The following FREM1 variants were observed in gnomAD, a reference collection of about 807,000 sequenced individuals.
FREM1 encodes the protein FRAS1 related extracellular matrix 1, also known as FRAS1-related extracellular matrix protein 1.
In FREM1, 220 loss-of-function variants were observed where a neutral mutation model predicts 210.1. That is an observed-to-expected ratio of 1.05 (90% CI 0.94 to 1.17). The LOEUF (loss-of-function observed/expected upper bound fraction) is 1.17. FREM1 is among the 50% of genes most tolerant of loss of function. The pLI is 0.00. For missense variants in FREM1, 3,454 were observed against 2,675.5 expected, an observed-to-expected ratio of 1.29 and a Z score of -6.42; for synonymous variants, 1,189 against 980.2, an observed-to-expected ratio of 1.21 and a Z score of -3.98.
At chr9:14,881,928 GGAAGGTGC>G (rs1834864758) in intron 1 of FREM1, among the ~76,000 whole-genome samples, 1 of 152,124 alleles carries the variant, frequency 6.6e-6, no homozygotes, top group Non-Finnish European at 1.5e-5. Context: ...TTGCCAAGAT[GGAAGGTGC>G]TGCCTTGCAC....
intron 35 of FREM1, among the ~76,000 whole-genome samples, chr9:14,740,474 T>C (rs376490576): frequency 7.2e-4 from 110 of 152,300 alleles, no homozygotes; most frequent in African/African-American, 2.5e-3. Context: ...AAAACATCGA[T>C]AGGTTTTCAA....
chr9:14,785,909 T>C (rs539228633), intron 23 of FREM1, among the ~76,000 whole-genome samples: 21 of 152,322 alleles, frequency 1.4e-4, no homozygotes, highest in South Asian at 2.1e-4. Flanking sequence ...ATGGTACATT[T>C]TGTGTTATGC....
intron 1 of FREM1, among the ~76,000 whole-genome samples, chr9:14,874,935 T>G (rs970278867): frequency 2.0e-5 from 3 of 152,210 alleles, no homozygotes; most frequent in Non-Finnish European, 4.4e-5. Flanking sequence ...GATGCTTAGT[T>G]TGGCTGGATA....
chr9:14,784,510 G>A lies in FREM1; in HGVS notation c.4302C>T (p.Thr1434=), dbSNP rs1477354131. ...CGATCTGGCCATATCGCGGAGGGGAGGTGATGACATAGAGCAGTTCCTCAG... is the reference window on the plus strand; with the variant it reads ...CGATCTGGCCATATCGCGGAGGGGAAGTGATGACATAGAGCAGTTCCTCAG... ...DKPEELLYVI[T]SPPRYGQIEY... Residue 1434 remains threonine, a synonymous_variant, in exon 24 of 37, where the codon ACC becomes ACT. Coordinates refer to ENST00000380880, the MANE Select transcript of FREM1 (RefSeq NM_001379081.2). 6.2e-7 allele frequency: 1 copy of A among 1,613,872 alleles called. No individual in the cohort carries two copies. Among genetic ancestry groups the A allele is most frequent in the African/African-American group, 1.3e-5 (1 of 75,024 alleles).
intron 16 of FREM1, among the ~76,000 whole-genome samples, chr9:14,808,559 T>G (rs1305794883): frequency 6.6e-6 from 1 of 152,184 alleles, no homozygotes; most frequent in Non-Finnish European, 1.5e-5. Context: ...CCACCTTAAA[T>G]GAACAACCAT....
At chr9:14,860,826 C>CGTATATATACGTAT (rs368689841) in intron 3 of FREM1, among the ~76,000 whole-genome samples, 34 of 83,614 alleles carry the variant, frequency 4.1e-4, no homozygotes, top group Non-Finnish European at 6.0e-4. Context: ...CACATATATA[C>CGTATATATACGTAT]ATATATACGT....
chr9:14,751,272 G>C (rs1436808513), intron 29 of FREM1, among the ~76,000 whole-genome samples: 3 of 152,190 alleles, frequency 2.0e-5, no homozygotes, highest in Admixed American at 2.0e-4. Context: ...TCTGCCATTT[G>C]CTCATTGGCT....
intron 23 of FREM1, among the ~76,000 whole-genome samples, chr9:14,786,230 G>A (rs939528587): frequency 2.0e-5 from 3 of 152,168 alleles, no homozygotes; most frequent in Admixed American, 1.3e-4. Context: ...AAAACATTGA[G>A]TGAGAATTCG....
At chr9:14,876,366 G>C (rs937755156) in intron 1 of FREM1, among the ~76,000 whole-genome samples, 4 of 152,138 alleles carry the variant, frequency 2.6e-5, no homozygotes, top group Admixed American at 2.0e-4. Context: ...GTTTACCTAA[G>C]CAAGCCTGGG....
intron 1 of FREM1, among the ~76,000 whole-genome samples, chr9:14,900,219 C>T (rs1023672338): frequency 6.6e-6 from 1 of 152,188 alleles, no homozygotes; most frequent in Non-Finnish European, 1.5e-5. Context: ...TACCATCACC[C>T]AGTCACCACT....
chr9:14,857,497 A>T (rs746866219), intron 5 of FREM1, 56 bp downstream of exon 5: 35 of 1,410,500 alleles, frequency 2.5e-5, no homozygotes, highest in Non-Finnish European at 3.3e-5. Context: ...AAGCCTGTGT[A>T]ACTGGCTCTC....
At position 14,748,596 on chromosome 9, in the gene FREM1, G is replaced by T. The variant is rs754368067; in HGVS notation, c.5601C>A (p.Ser1867Arg). Residue 1867 changes from serine to arginine, a missense_variant, in exon 31 of 37, where the codon AGC becomes AGA. Coordinates refer to ENST00000380880, the MANE Select transcript of FREM1 (RefSeq NM_001379081.2). Reference protein sequence around the residue: ...PSYSSNQSKHSTWEKGIWHLL... With the variant: ...PSYSSNQSKHRTWEKGIWHLL... ...GATGCCAAATGCCCTTCTCCCATGTGCTGTGCTTGCTTTGGTTGGAGGAAT... is the reference window on the plus strand; with the variant it reads ...GATGCCAAATGCCCTTCTCCCATGTTCTGTGCTTGCTTTGGTTGGAGGAAT... 2 of 1,613,640 alleles carry T rather than the reference G, an allele frequency of 1.2e-6. No homozygotes were observed. The highest frequency in any genetic ancestry group is 1.7e-6 in the Non-Finnish European group (2 of 1,179,770).
chr9:14,805,128 T>C lies in FREM1; in HGVS notation c.3299A>G (p.Asn1100Ser). Residue 1100 changes from asparagine (N) to serine (S), a missense_variant, in exon 19 of 37, where the codon AAC (asparagine) becomes AGC (serine). Asn to Ser is a conservative substitution (Grantham distance 46). Transcript: ENST00000380880. Reference protein sequence around the residue: ...SIDSFQWKDMNAFHINYVQSR... With the variant: ...SIDSFQWKDMSAFHINYVQSR... ...CTGCACATAGTTAATGTGAAAAGCGTTCATGTCTTTCCACTGAAATGAATC... is the reference window on the plus strand; with the variant it reads ...CTGCACATAGTTAATGTGAAAAGCGCTCATGTCTTTCCACTGAAATGAATC... 6.3e-7 allele frequency: 1 copy of C among 1,577,896 alleles called. No individual in the cohort carries two copies. The highest frequency in any genetic ancestry group is 2.2e-5 in the East Asian group (1 of 44,446).
chr9:14,816,434 T>A (rs1479064878), intron 15 of FREM1, among the ~76,000 whole-genome samples: 1 of 152,136 alleles, frequency 6.6e-6, no homozygotes, highest in Non-Finnish European at 1.5e-5. Flanking sequence ...ATGATTTTAA[T>A]GTGTCCCCAG....
chr9:14,834,327 T>G (rs952218209), intron 10 of FREM1, among the ~76,000 whole-genome samples: 1 of 152,196 alleles, frequency 6.6e-6, no homozygotes, highest in African/African-American at 2.4e-5. Context: ...TCCCATGGTA[T>G]CTATATGGTC....
chr9:14,763,865 T>A (rs899635922), intron 27 of FREM1, among the ~76,000 whole-genome samples: 1 of 152,200 alleles, frequency 6.6e-6, no homozygotes, highest in Non-Finnish European at 1.5e-5. Context: ...CCAGGTGTCT[T>A]GTAGAGCATC....
At chr9:14,850,563 G>C (rs915760074) in intron 6 of FREM1, 5 of 152,128 alleles carry the variant, frequency 3.3e-5, no homozygotes, top group African/African-American at 1.2e-4. Flanking sequence ...GGGGCCTGTC[G>C]GGGTTGGGGG....
intron 1 of FREM1, among the ~76,000 whole-genome samples, chr9:14,877,585 A>G (rs781379617): frequency 1.3e-5 from 2 of 151,992 alleles, no homozygotes; most frequent in African/African-American, 2.4e-5. Context: ...TGTCACTCCT[A>G]TGATTACATT....
intron 5 of FREM1, among the ~76,000 whole-genome samples, chr9:14,855,890 G>A (rs1828643544): frequency 6.6e-6 from 1 of 151,602 alleles, no homozygotes; most frequent in South Asian, 2.1e-4. Context: ...TTTTTTCAAT[G>A]GATATAATAA....
Sources: gnomAD v4.1 joint callset for allele counts (sites outside exome capture counted in the v4.1 genomes callset) on GRCh38, gnomAD v4.1.1 for gene constraint, MANE v1.5 for transcripts, NCBI Gene and HGNC (gene_info 2026-07-23, HGNC 2026-07-21) for gene names.